Variants in SIRPB2 observed in about 807,000 individuals in gnomAD.
SIRPB2 encodes signal-regulatory protein beta-2.
Under a neutral mutation model 27.1 loss-of-function variants are expected in SIRPB2, and 18 were observed. The ratio of observed to expected loss-of-function variants is 0.66; its 90% confidence interval spans 0.46 to 0.98. The LOEUF (loss-of-function observed/expected upper bound fraction) is 0.98, where lower values mean the gene tolerates loss of function less well. Ranked by LOEUF, SIRPB2 falls within the 50% of genes least tolerant of loss-of-function variation. The probability of loss-of-function intolerance (pLI) is 0.00; values close to 1 mark genes in which losing one functional copy is unlikely to be tolerated. For missense variants in SIRPB2, 420 were observed against 417.4 expected, an observed-to-expected ratio of 1.01 and a Z score of -0.06; for synonymous variants, 150 against 164.6, an observed-to-expected ratio of 0.91 and a Z score of 0.68.
chr20:1,481,385 A>G (rs1445154347), intron 1 of SIRPB2, among the ~76,000 whole-genome samples: 2 of 152,182 alleles, frequency 1.3e-5, no homozygotes, highest in African/African-American at 4.8e-5. Context: ...GAGGTGAACC[A>G]TGCATTCAGT....
At chr20:1,476,818 A>G (rs1429703111) in intron 4 of SIRPB2, 2 of 1,058,790 alleles carry the variant, frequency 1.9e-6, no homozygotes, top group Non-Finnish European at 2.3e-6. Flanking sequence ...GAGTCCTTGA[A>G]TGTTAACATG....
intron 1 of SIRPB2, among the ~76,000 whole-genome samples, chr20:1,482,882 A>G (rs2090686801): frequency 6.6e-6 from 1 of 151,894 alleles, no homozygotes; most frequent in South Asian, 2.1e-4. Flanking sequence ...GATTCCATAC[A>G]TTTGCAATTG....
intron 1 of SIRPB2, among the ~76,000 whole-genome samples, chr20:1,489,960 T>C (rs898971389): frequency 1.3e-5 from 2 of 152,124 alleles, no homozygotes; most frequent in African/African-American, 2.4e-5. Context: ...TGTGCCACTA[T>C]ATAGAGGGCA....
chr20:1,484,688 A>G (rs1247952704), intron 1 of SIRPB2, among the ~76,000 whole-genome samples: 1 of 145,852 alleles, frequency 6.9e-6, no homozygotes, highest in African/African-American at 2.6e-5. Flanking sequence ...TAAAAAGGCA[A>G]CAATAAAAAA....
At chr20:1,477,890 GTCTTGAACTCCTGACTCAGGTGA>G (rs1409723327) in intron 3 of SIRPB2, 1 of 442,924 alleles carries the variant, frequency 2.3e-6, no homozygotes, top group Non-Finnish European at 4.5e-6. Flanking sequence ...GGTCAGGCTG[GTCTTGAACTCCTGACTCAGGTGA>G]TCCACCTGCC....
At chr20:1,478,175 T>C in intron 3 of SIRPB2, 91 bp downstream of exon 3, 2 of 1,152,688 alleles carry the variant, frequency 1.7e-6, no homozygotes, top group Non-Finnish European at 2.6e-6. Flanking sequence ...ACATGGAGGC[T>C]GTGAAGAACT....
intron 1 of SIRPB2, 190 bp from the exon 2 acceptor site, chr20:1,480,255 G>A: frequency 1.4e-6 from 1 of 696,394 alleles, no homozygotes; most frequent in Non-Finnish European, 2.3e-6. Flanking sequence ...GCTATGCAAT[G>A]GCAAACCTAC....
chr20:1,480,284 A>C, intron 1 of SIRPB2: 1 of 576,316 alleles, frequency 1.7e-6, no homozygotes, highest in Non-Finnish European at 3.0e-6. Context: ...AATAACACTC[A>C]AGTGCTCACC....
At position 1,491,390 on chromosome 20, in the gene SIRPB2, C is replaced by T; in HGVS notation, c.-31G>A. ...CTTCTGTGGTCCCCAAGACTTGGGGCTCCTCTGCTCTCTTGTGAGTGTTGG... is the reference window on the plus strand; with the variant it reads ...CTTCTGTGGTCCCCAAGACTTGGGGTTCCTCTGCTCTCTTGTGAGTGTTGG... On this transcript the variant is annotated 5_prime_UTR_variant, in exon 1 of 5. Coordinates refer to ENST00000359801, the MANE Select transcript of SIRPB2 (RefSeq NM_001122962.2). The T allele has an allele frequency of 3.2e-6, 5 of 1,583,758 alleles. No individual in the cohort carries two copies. Among genetic ancestry groups the T allele is most frequent in the Non-Finnish European group, 4.3e-6 (5 of 1,165,048 alleles).
intron 3 of SIRPB2, 100 bp from the exon 4 acceptor site, chr20:1,477,503 T>G: frequency 1.3e-6 from 2 of 1,524,004 alleles, no homozygotes; most frequent in Middle Eastern, 4.0e-4. Context: ...TCTGCCAGTT[T>G]CTATGTGGGT....
intron 1 of SIRPB2, among the ~76,000 whole-genome samples, chr20:1,485,691 G>A (rs954869016): frequency 6.7e-6 from 1 of 149,812 alleles, no homozygotes; most frequent in African/African-American, 2.5e-5. Flanking sequence ...TCAATGAGAA[G>A]AAGAAAATCT....
At chr20:1,476,631 C>T in intron 4 of SIRPB2, 1 of 781,816 alleles carries the variant, frequency 1.3e-6, no homozygotes, top group Non-Finnish European at 1.6e-6. Context: ...GGATAGTGAT[C>T]CAATTTTTAT....
chr20:1,482,721 A>G (rs549944059), intron 1 of SIRPB2, among the ~76,000 whole-genome samples: 1 of 151,614 alleles, frequency 6.6e-6, no homozygotes, highest in Non-Finnish European at 1.5e-5. Flanking sequence ...TTAACATAAT[A>G]ATCTCCAGTT....
At chr20:1,472,820 A>G (rs1329153266), downstream of SIRPB2, 1 of 152,152 alleles carries the variant, frequency 6.6e-6, no homozygotes, top group Non-Finnish European at 1.5e-5. Flanking sequence ...TACGGGGTCT[A>G]ATACAGGCCA....
At chr20:1,485,984 A>T (rs2090721988) in intron 1 of SIRPB2, among the ~76,000 whole-genome samples, 1 of 152,060 alleles carries the variant, frequency 6.6e-6, no homozygotes, top group African/African-American at 2.4e-5. Flanking sequence ...AAAAAGTTCA[A>T]TCTGTTATTA....
At chr20:1,485,843 G>T (rs1364547514) in intron 1 of SIRPB2, among the ~76,000 whole-genome samples, 1 of 151,934 alleles carries the variant, frequency 6.6e-6, no homozygotes, top group African/African-American at 2.4e-5. Context: ...AATAATAAAA[G>T]AATATTATGG....
intron 1 of SIRPB2, among the ~76,000 whole-genome samples, chr20:1,485,390 A>G (rs1403449849): frequency 1.3e-5 from 2 of 152,214 alleles, no homozygotes; most frequent in African/African-American, 4.8e-5. Flanking sequence ...CGATTAAAAA[A>G]GAAAAATTGG....
chr20:1,489,235 C>T (rs548448423), intron 1 of SIRPB2, among the ~76,000 whole-genome samples: 7 of 152,130 alleles, frequency 4.6e-5, no homozygotes, highest in South Asian at 2.1e-4. Flanking sequence ...AACTTTTGGG[C>T]GCTGGATATG....
chr20:1,478,749 A>G (rs1257207028), intron 2 of SIRPB2, 142 bp from the exon 3 acceptor site: 2 of 664,754 alleles, frequency 3.0e-6, no homozygotes, highest in Admixed American at 6.0e-5. Flanking sequence ...ATTACTCACC[A>G]GTTGACTCAT....
Sources: gnomAD v4.1 joint callset for allele counts (sites outside exome capture counted in the v4.1 genomes callset) on GRCh38, gnomAD v4.1.1 for gene constraint, MANE v1.5 for transcripts, NCBI Gene and HGNC (gene_info 2026-07-23, HGNC 2026-07-21) for gene names.